The following SLC35F3 variants were observed in gnomAD, a reference collection of about 807,000 sequenced individuals.
SLC35F3 encodes the protein solute carrier family 35 member F3, also known as putative thiamine transporter SLC35F3.
SLC35F3 carries 25 observed loss-of-function variants against 49.9 expected under a neutral mutation model. That is an observed-to-expected ratio of 0.50 (90% CI 0.37 to 0.70). The LOEUF is 0.70. SLC35F3 is among the 30% of genes least tolerant of loss of function. SLC35F3 has a pLI of 0.00. For synonymous variants in SLC35F3, 275 were observed against 265.4 expected, an observed-to-expected ratio of 1.04 and a Z score of -0.35; for missense variants, 525 against 639.8, an observed-to-expected ratio of 0.82 and a Z score of 1.94.
chr1:234,323,163 G>A lies in SLC35F3; in HGVS notation c.1393G>A (p.Glu465Lys), dbSNP rs747440220. 6.2e-7 allele frequency: 1 copy of A among 1,614,122 alleles called. No homozygotes were observed. The highest frequency in any genetic ancestry group is 2.2e-5 in the East Asian group (1 of 44,890). Reference protein sequence around the residue: ...LTRLKVRKKEEPAEGAADLSS... With the variant: ...LTRLKVRKKEKPAEGAADLSS... ...CCGACTCAAAGTGAGGAAGAAGGAG[G>A]AGCCTGCAGAGGGCGCTGCCGACCT... Residue 465 changes from glutamate (E) to lysine (K), a missense_variant, in exon 8 of 8, where the codon GAG (glutamate) becomes AAG (lysine). Glu to Lys is a moderately conservative substitution (Grantham distance 56). Transcript: ENST00000366618. This position sits in a 1 kb window ranked among gnomAD's most constrained non-coding sequence, Gnocchi z 4.5.
At chr1:234,061,090 T>C (rs1327732327) in intron 2 of SLC35F3, among the ~76,000 whole-genome samples, 1 of 152,222 alleles carries the variant, frequency 6.6e-6, no homozygotes, top group African/African-American at 2.4e-5. Context: ...CTCAAATTAC[T>C]CTCTAGACTT....
At chr1:233,973,035 T>G (rs1254271875) in intron 2 of SLC35F3, among the ~76,000 whole-genome samples, 1 of 152,210 alleles carries the variant, frequency 6.6e-6, no homozygotes, top group East Asian at 1.9e-4. Context: ...CTGACCACAC[T>G]TCTTGTCTCT....
At chr1:233,936,894 G>A (rs1399161247) in intron 2 of SLC35F3, among the ~76,000 whole-genome samples, 1 of 152,102 alleles carries the variant, frequency 6.6e-6, no homozygotes, top group Non-Finnish European at 1.5e-5. Context: ...GCCTCCTTGT[G>A]TTGCCTAGGC....
intron 3 of SLC35F3, among the ~76,000 whole-genome samples, chr1:234,286,299 G>C (rs1323295027): frequency 2.0e-5 from 3 of 152,122 alleles, no homozygotes; most frequent in Admixed American, 2.0e-4. Context: ...CAACTGGCTG[G>C]CTGGAAAGAA....
At chr1:234,053,316 G>T (rs1417548071) in intron 2 of SLC35F3, among the ~76,000 whole-genome samples, 1 of 152,134 alleles carries the variant, frequency 6.6e-6, no homozygotes, top group Non-Finnish European at 1.5e-5. Flanking sequence ...ATGAATCTGG[G>T]TGCTCCTGTA....
chr1:234,002,003 T>A (rs1400971076), intron 2 of SLC35F3, among the ~76,000 whole-genome samples: 3 of 152,238 alleles, frequency 2.0e-5, no homozygotes, highest in Non-Finnish European at 2.9e-5. Context: ...AAGCACTCAC[T>A]GACTCACCCT....
At chr1:234,237,572 T>A (rs512768) in intron 3 of SLC35F3, among the ~76,000 whole-genome samples, 18,789 of 152,180 alleles carry the variant, frequency 0.12, 1,283 homozygotes, top group Middle Eastern at 0.23. Flanking sequence ...TTCAGAAAGC[T>A]GATGCATTTC....
intron 3 of SLC35F3, among the ~76,000 whole-genome samples, chr1:234,242,030 A>G (rs1667561908): frequency 6.6e-6 from 1 of 152,202 alleles, no homozygotes. Flanking sequence ...TCTCTCCCAT[A>G]TTATTTTGTG....
chr1:234,104,369 T>C (rs530911139), intron 2 of SLC35F3, among the ~76,000 whole-genome samples: 4 of 152,158 alleles, frequency 2.6e-5, no homozygotes, highest in South Asian at 4.1e-4. Context: ...AAAAAAACTA[T>C]AAAGAAAGAA....
chr1:234,077,651 G>T (rs915457431), intron 2 of SLC35F3, among the ~76,000 whole-genome samples: 4 of 152,286 alleles, frequency 2.6e-5, no homozygotes, highest in Admixed American at 6.5e-5. Context: ...TGACTGGGAG[G>T]TTGGCTACCA....
chr1:234,174,407 A>G (rs747889466), intron 2 of SLC35F3, among the ~76,000 whole-genome samples: 35 of 152,344 alleles, frequency 2.3e-4, no homozygotes, highest in Non-Finnish European at 4.9e-4. Context: ...TGAAAAGATA[A>G]TGAAAATCAT....
intron 3 of SLC35F3, among the ~76,000 whole-genome samples, chr1:234,265,880 C>T (rs1667970487): frequency 6.6e-6 from 1 of 152,166 alleles, no homozygotes; most frequent in Non-Finnish European, 1.5e-5. Flanking sequence ...CCAGCCTTTC[C>T]TCAGGTCCCC....
chr1:234,243,664 C>T (rs2102958087), intron 3 of SLC35F3, among the ~76,000 whole-genome samples: 1 of 152,310 alleles, frequency 6.6e-6, no homozygotes, highest in Middle Eastern at 3.4e-3. Flanking sequence ...CCCCAGCTCT[C>T]AGGAGTCCTA....
intron 3 of SLC35F3, among the ~76,000 whole-genome samples, chr1:234,261,323 C>T (rs375630404): frequency 2.6e-5 from 4 of 152,264 alleles, no homozygotes; most frequent in African/African-American, 9.6e-5. Flanking sequence ...ATATGGTAAA[C>T]AAGGGGTGGT....
intron 2 of SLC35F3, among the ~76,000 whole-genome samples, chr1:233,975,138 C>T (rs1663060908): frequency 6.6e-6 from 1 of 151,364 alleles, no homozygotes; most frequent in Non-Finnish European, 1.5e-5. Context: ...AGGCCTGCGG[C>T]CTAGGAACCT....
chr1:234,287,442 C>T (rs1668440452), intron 3 of SLC35F3, among the ~76,000 whole-genome samples: 2 of 152,168 alleles, frequency 1.3e-5, no homozygotes, highest in South Asian at 2.1e-4. Context: ...CCTACTAGGA[C>T]AGGTTGACTA....
At chr1:234,026,504 A>G (rs1443789776) in intron 2 of SLC35F3, among the ~76,000 whole-genome samples, 1 of 152,226 alleles carries the variant, frequency 6.6e-6, no homozygotes, top group Non-Finnish European at 1.5e-5. Flanking sequence ...CAGTGTCCTT[A>G]GCACAAGAAA....
At chr1:234,114,421 T>C (rs905137022) in intron 2 of SLC35F3, among the ~76,000 whole-genome samples, 8 of 152,212 alleles carry the variant, frequency 5.3e-5, no homozygotes, top group African/African-American at 1.7e-4. Flanking sequence ...CCAATATGGC[T>C]GATTTGTTTT....
chr1:234,207,544 T>C (rs142747590), intron 2 of SLC35F3, among the ~76,000 whole-genome samples: 32 of 117,710 alleles, frequency 2.7e-4, no homozygotes, highest in Middle Eastern at 9.4e-3. Context: ...TTGTAATACC[T>C]AGGACAATAA....
Sources: allele counts gnomAD v4.1 joint callset (sites outside exome capture counted in the v4.1 genomes callset), GRCh38; gene constraint gnomAD v4.1.1; non-coding constraint Gnocchi (gnomAD v3.1); transcripts MANE v1.5; gene names NCBI Gene and HGNC (gene_info 2026-07-23, HGNC 2026-07-21).